The following SYNPR variants were observed in gnomAD, a reference collection of about 807,000 sequenced individuals.
SYNPR encodes the protein synaptoporin.
Under a neutral mutation model 32.9 loss-of-function variants are expected in SYNPR, and 23 were observed. The ratio of observed to expected loss-of-function variants is 0.70; its 90% CI spans 0.50 to 0.99. The LOEUF (loss-of-function observed/expected upper bound fraction) is 0.99. Among genes scored for constraint, SYNPR ranks in the 50% least tolerant of loss-of-function variants. SYNPR has a pLI of 0.00. For synonymous variants in SYNPR, 146 were observed against 135.9 expected (o/e 1.07, Z -0.52); for missense variants, 318 against 349.3 (o/e 0.91, Z 0.71).
rs2086595067 is a variant in SYNPR at position 63,278,321 on chromosome 3, T to G, written c.-213T>G. The G allele has an allele frequency of 1.7e-6, 1 of 603,960 alleles. No homozygotes were observed. The highest frequency in any genetic ancestry group is 3.1e-5 in the Admixed American group (1 of 31,810). 37.4% of individuals were successfully genotyped at this position (603,960 alleles called of 1,614,324 possible). On this transcript the variant is annotated 5_prime_UTR_variant, in exon 1 of 6. Transcript: ENST00000478300. ...TCTTCCCTGCCCACCCCTCGCTGACTCGCTTCGCTTCCCCGACGCGCTGGG... is the reference window on the plus strand; with the variant it reads ...TCTTCCCTGCCCACCCCTCGCTGACGCGCTTCGCTTCCCCGACGCGCTGGG...
upstream of SYNPR, among the ~76,000 whole-genome samples, chr3:63,276,058 A>G (rs1209009520): frequency 6.6e-6 from 1 of 152,212 alleles, no homozygotes; most frequent in Non-Finnish European, 1.5e-5. Context: ...ATGTCCATCA[A>G]GGTCTGGTTG....
At position 63,507,679 on chromosome 3, in the gene SYNPR, T is replaced by C. The variant is rs78336906; in HGVS notation, c.209+26723T>C. Reference sequence around the variant, plus strand: ...TGCAGCGAAACTTGAATAAAGTCTGTAGTTCAGTTAAAAATATTGTGGGAC... The same window carrying C: ...TGCAGCGAAACTTGAATAAAGTCTGCAGTTCAGTTAAAAATATTGTGGGAC... On this transcript the variant is annotated intron_variant, in intron 3 of 5. Coordinates refer to ENST00000478300, the MANE Select transcript of SYNPR (RefSeq NM_001130003.2). Among the ~76,000 whole-genome samples the C allele has an allele frequency of 2.1e-3, 317 of 152,296 alleles. 1 individual carries two copies. Among genetic ancestry groups the C allele is most frequent in the African/African-American group, 7.1e-3 (295 of 41,574 alleles).
intron 3 of SYNPR, among the ~76,000 whole-genome samples, chr3:63,519,339 C>A (rs571820455): frequency 6.6e-6 from 1 of 152,296 alleles, no homozygotes; most frequent in South Asian, 2.1e-4. Flanking sequence ...CTCATCTCTT[C>A]ATCTCTAAAT....
At chr3:63,506,784 A>G (rs1701597372) in intron 3 of SYNPR, among the ~76,000 whole-genome samples, 1 of 152,198 alleles carries the variant, frequency 6.6e-6, no homozygotes, top group South Asian at 2.1e-4. Flanking sequence ...TAATCTTAAA[A>G]GGATCATTTT....
At chr3:63,436,366 C>T (rs113969210) in intron 2 of SYNPR, among the ~76,000 whole-genome samples, 67 of 137,564 alleles carry the variant, frequency 4.9e-4, no homozygotes, top group Middle Eastern at 3.6e-3. Context: ...CAGTATGTGA[C>T]GTTCCCCTTC....
intron 5 of SYNPR, among the ~76,000 whole-genome samples, chr3:63,613,212 T>A (rs35997641): frequency 0.14 from 21,021 of 151,642 alleles, 1,929 homozygotes; most frequent in Non-Finnish European, 0.19. Flanking sequence ...AATAATTTTT[T>A]ATACTCTTAT....
intron 3 of SYNPR, among the ~76,000 whole-genome samples, chr3:63,510,078 G>T (rs979692529): frequency 2.0e-5 from 3 of 152,094 alleles, no homozygotes; most frequent in African/African-American, 7.2e-5. Context: ...GAGTGGGGTT[G>T]ATGGTGAGTA....
intron 3 of SYNPR, among the ~76,000 whole-genome samples, chr3:63,496,776 C>G (rs1051726851): frequency 6.6e-6 from 1 of 151,702 alleles, no homozygotes; most frequent in Non-Finnish European, 1.5e-5. Context: ...TATCTAATCA[C>G]TGGCATACCC....
chr3:63,221,344 T>G, the SYNPR span, among the ~76,000 whole-genome samples: 1 of 152,158 alleles, frequency 6.6e-6, no homozygotes, highest in Non-Finnish European at 1.5e-5. Flanking sequence ...GCTCTAGGGT[T>G]GAGCATTCAA....
intron 2 of SYNPR, among the ~76,000 whole-genome samples, chr3:63,447,281 T>C (rs569952989): frequency 5.9e-5 from 9 of 152,300 alleles, no homozygotes; most frequent in African/African-American, 2.2e-4. Flanking sequence ...AGTCCCTAGC[T>C]AGAAGATGCT....
chr3:63,264,246 C>G (rs529055883), intron 2 of SYNPR, among the ~76,000 whole-genome samples: 4 of 152,052 alleles, frequency 2.6e-5, no homozygotes, highest in Non-Finnish European at 5.9e-5. Flanking sequence ...GGTAAAGATT[C>G]TATCTGATAT....
At chr3:63,572,232 C>T (rs190480702) in intron 4 of SYNPR, among the ~76,000 whole-genome samples, 168 of 152,254 alleles carry the variant, frequency 1.1e-3, no homozygotes, top group African/African-American at 3.9e-3. Flanking sequence ...TTCCAAAGGC[C>T]TCCATTTTCA....
the SYNPR span, among the ~76,000 whole-genome samples, chr3:63,210,934 C>T: frequency 2.6e-5 from 4 of 151,026 alleles, no homozygotes. Context: ...CTGACACCTT[C>T]ACACATCCTT....
In SYNPR at chr3:63,481,443, A is replaced by ATGTG. The variant is rs201616193; in HGVS notation, c.209+488_209+489insGTGT. ...ATATTTATATATTAAGTGTATATAT[A>ATGTG]TATATATATGTGTGTGTGTGTGTGT... On this transcript the variant is annotated intron_variant, in intron 3 of 5. Transcript: ENST00000478300. Among the ~76,000 whole-genome samples, 1,182 of 119,778 alleles carry ATGTG rather than the reference A, an allele frequency of 9.9e-3. 8 individuals are homozygous for ATGTG. The highest frequency in any genetic ancestry group is 0.012 in the Middle Eastern group (3 of 254). 78.6% of individuals were successfully genotyped at this position (119,778 alleles called of 152,430 possible).
intron 2 of SYNPR, among the ~76,000 whole-genome samples, chr3:63,461,495 A>C (rs1700584237): frequency 6.6e-6 from 1 of 152,006 alleles, no homozygotes; most frequent in South Asian, 2.1e-4. Flanking sequence ...GTGTCAAAAC[A>C]TTTCTTCTAA....
intron 3 of SYNPR, among the ~76,000 whole-genome samples, chr3:63,272,348 G>A (rs2086544344): frequency 6.6e-6 from 1 of 152,146 alleles, no homozygotes; most frequent in Non-Finnish European, 1.5e-5. Flanking sequence ...AGGATATGAT[G>A]AACTCAGCTG....
At chr3:63,294,138 C>T (rs1186612997) in intron 2 of SYNPR, among the ~76,000 whole-genome samples, 1 of 152,020 alleles carries the variant, frequency 6.6e-6, no homozygotes, top group Non-Finnish European at 1.5e-5. Flanking sequence ...TTAACTAATT[C>T]CTAACTTAGG....
the SYNPR span, among the ~76,000 whole-genome samples, chr3:63,207,167 A>G: frequency 6.6e-6 from 1 of 152,212 alleles, no homozygotes; most frequent in Non-Finnish European, 1.5e-5. Context: ...AAAGTGCAGA[A>G]TTTAATGGGT....
intron 2 of SYNPR, among the ~76,000 whole-genome samples, chr3:63,335,295 G>A (rs1471820645): frequency 6.7e-6 from 1 of 148,178 alleles, no homozygotes; most frequent in East Asian, 2.0e-4. Flanking sequence ...GGAGCTTGCA[G>A]TGAGCCGAGA....
Sources: allele counts gnomAD v4.1 joint callset (sites outside exome capture counted in the v4.1 genomes callset), GRCh38; gene constraint gnomAD v4.1.1; transcripts MANE v1.5; gene names NCBI Gene and HGNC (gene_info 2026-07-23, HGNC 2026-07-21).